CDH1: variants seen among roughly 807,000 people sequenced by gnomAD.
CDH1 encodes the protein cadherin 1.
In CDH1, 35 loss-of-function variants were observed where a neutral mutation model predicts 84.5. The observed-to-expected ratio is 0.41, with a 90% CI of 0.32 to 0.55. CDH1 has a LOEUF of 0.55. CDH1 is among the 20% of genes least tolerant of loss of function. CDH1 has a pLI of 0.19. For missense variants in CDH1, 994 were observed against 1,126.6 expected (o/e 0.88, Z 1.68); for synonymous variants, 417 against 439.0 (o/e 0.95, Z 0.63).
At chr16:68,807,514 TA>T (rs1432625897) in intron 3 of CDH1, among the ~76,000 whole-genome samples, 1 of 151,524 alleles carries the variant, frequency 6.6e-6, no homozygotes, top group African/African-American at 2.4e-5. Context: ...TAAAAAAATT[TA>T]AAAAATTTAA....
intron 2 of CDH1, among the ~76,000 whole-genome samples, chr16:68,781,666 G>A (rs1959882160): frequency 6.6e-6 from 1 of 152,058 alleles, no homozygotes; most frequent in African/African-American, 2.4e-5. Context: ...TATTGACAGG[G>A]TCTCACTATG....
intron 14 of CDH1, 130 bp from the exon 15 acceptor site, chr16:68,829,524 A>T: frequency 1.1e-6 from 1 of 941,190 alleles, no homozygotes; most frequent in Non-Finnish European, 1.7e-6. Context: ...ATTTTGCATT[A>T]AACTGGTAAA....
intron 2 of CDH1, among the ~76,000 whole-genome samples, chr16:68,801,262 C>T (rs533413077): frequency 6.6e-6 from 1 of 152,088 alleles, no homozygotes; most frequent in Non-Finnish European, 1.5e-5. Context: ...CAGGCGCCTG[C>T]CACTAAACCT....
Position 68,810,485 on chromosome 16 carries a change from T to C in CDH1, c.832+144T>C, listed in dbSNP as rs1597892723. On this transcript the variant is annotated intron_variant, in intron 6 of 15. Coordinates refer to ENST00000261769, the MANE Select transcript of CDH1 (RefSeq NM_004360.5). ...TTCTTGGCAAGCCATTGTTGTGTTA[T>C]ATGCATGTGTGTAACAGTCTACCTG... 1.8e-5 allele frequency: 13 copies of C among 725,866 alleles called. No homozygotes were observed. The East Asian group carries it at 3.1e-4, about 17-fold the overall frequency. The allele number at this position is 725,866 out of a possible 1,614,324, so 45.0% of individuals were successfully genotyped here.
chr16:68,786,784 G>C (rs1302525394), intron 2 of CDH1, among the ~76,000 whole-genome samples: 1 of 152,160 alleles, frequency 6.6e-6, no homozygotes, highest in Middle Eastern at 3.2e-3. Flanking sequence ...TATTGGACAA[G>C]TGAGCACTTG....
In CDH1 at chr16:68,748,229, C is replaced by T. The variant is rs146540523; in HGVS notation, c.163+9818C>T. ...CCGGGTTCAAGTGATTATCCTGCTT[C>T]AGCCTCCAGAGTAGCTAGGATTACA... is the stretch of plus-strand genomic sequence containing the variant. On this transcript the variant is annotated intron_variant, in intron 2 of 15. Coordinates refer to ENST00000261769, the MANE Select transcript of CDH1 (RefSeq NM_004360.5). 6.2e-3 allele frequency among the ~76,000 whole-genome samples: 937 copies of T among 150,866 alleles called. 8 individuals carry two copies. The highest frequency in any genetic ancestry group is 0.021 in the African/African-American group (862 of 40,970).
At chr16:68,821,348 G>A (rs769587465) in intron 11 of CDH1, among the ~76,000 whole-genome samples, 12 of 151,766 alleles carry the variant, frequency 7.9e-5, no homozygotes, top group Admixed American at 2.6e-4. Context: ...GGTGGCATGC[G>A]CCTGTAGTCT....
intron 2 of CDH1, among the ~76,000 whole-genome samples, chr16:68,762,734 C>T (rs1959256008): frequency 6.6e-6 from 1 of 151,914 alleles, no homozygotes; most frequent in African/African-American, 2.4e-5. Flanking sequence ...CATGGCGAAA[C>T]CCAGTCTGTA....
At chr16:68,831,972 T>C in intron 15 of CDH1, among the ~76,000 whole-genome samples, 1 of 152,114 alleles carries the variant, frequency 6.6e-6, no homozygotes, top group Non-Finnish European at 1.5e-5. Context: ...ATCATGTCTT[T>C]TGAGGAAGCA....
intron 2 of CDH1, among the ~76,000 whole-genome samples, chr16:68,775,915 C>T (rs1449212466): frequency 6.6e-6 from 1 of 152,144 alleles, no homozygotes; most frequent in Non-Finnish European, 1.5e-5. Flanking sequence ...CCCCATCCAC[C>T]CAAAAGGAGG....
chr16:68,827,281 TA>T (rs35181094), intron 13 of CDH1, among the ~76,000 whole-genome samples: 8,596 of 151,488 alleles, frequency 0.057, 306 homozygotes, highest in African/African-American at 0.096. Flanking sequence ...AAAATAATAA[TA>T]AATAAATAAA....
intron 2 of CDH1, among the ~76,000 whole-genome samples, chr16:68,792,570 C>A (rs1019262265): frequency 6.6e-6 from 1 of 152,182 alleles, no homozygotes; most frequent in African/African-American, 2.4e-5. Context: ...TGACCCTTCC[C>A]CCCGGGCTGG....
chr16:68,822,931 C>A lies in CDH1; in HGVS notation c.1937-468C>A, dbSNP rs1006614023. 4.2e-4 allele frequency: 94 copies of A among 221,756 alleles called. 1 individual carries two copies. Among genetic ancestry groups the A allele is most frequent in the African/African-American group, 2.1e-3 (91 of 42,400 alleles). The allele number at this position is 221,756 out of a possible 1,614,324, so 13.7% of individuals were successfully genotyped here. A position where few individuals can be genotyped will look rare whatever the true frequency, so the allele number is the denominator to read the frequency against. On this transcript the variant is annotated intron_variant, in intron 12 of 15. Coordinates refer to ENST00000261769, the MANE Select transcript of CDH1 (RefSeq NM_004360.5). ...ACTGGACCCTTTTGGATCTTCATGC[C>A]TTGGGTTCCACCTGCACAGACCCCC...
intron 5 of CDH1, 118 bp downstream of exon 5, chr16:68,808,966 A>T (rs1202680083): frequency 1.1e-6 from 1 of 882,746 alleles, no homozygotes; most frequent in African/African-American, 1.7e-5. Flanking sequence ...TTAACTTGAC[A>T]CCTCTTGACC....
intron 2 of CDH1, among the ~76,000 whole-genome samples, chr16:68,781,274 C>A (rs950476865): frequency 1.3e-5 from 2 of 152,122 alleles, no homozygotes; most frequent in Admixed American, 6.6e-5. Context: ...CAGTTGCCTC[C>A]GCTTCATTCT....
chr16:68,766,915 G>C (rs1959407245), intron 2 of CDH1, among the ~76,000 whole-genome samples: 1 of 151,708 alleles, frequency 6.6e-6, no homozygotes, highest in African/African-American at 2.4e-5. Context: ...TTTTAGTAGA[G>C]AAGGTTTCAC....
At chr16:68,812,338 C>A (rs1960863494) in intron 8 of CDH1, 75 bp downstream of exon 8, 2 of 1,500,204 alleles carry the variant, frequency 1.3e-6, no homozygotes, top group Non-Finnish European at 9.3e-7. Context: ...CACCACTGCT[C>A]ATGGGCGAAG....
rs147738022 is a variant in CDH1, at chr16:68,770,224, C to T, written c.164-31446C>T. ...GTGTGTGCTCTGGGGAGCTCTGCCTCCTGTCCTAAAACTGTCACCTTCCTG... is the reference window on the plus strand; with the variant it reads ...GTGTGTGCTCTGGGGAGCTCTGCCTTCTGTCCTAAAACTGTCACCTTCCTG... On this transcript the variant is annotated intron_variant, in intron 2 of 15. Coordinates refer to ENST00000261769, the MANE Select transcript of CDH1 (RefSeq NM_004360.5). Among the ~76,000 whole-genome samples the T allele has an allele frequency of 3.5e-3, 534 of 152,246 alleles. 5 individuals carry two copies. The highest frequency in any genetic ancestry group is 0.012 in the African/African-American group (507 of 41,550).
At chr16:68,771,581 G>A (rs1420018281) in intron 2 of CDH1, among the ~76,000 whole-genome samples, 3 of 151,392 alleles carry the variant, frequency 2.0e-5, no homozygotes, top group Middle Eastern at 3.4e-3. Flanking sequence ...GTGAAACCCC[G>A]TCTCTATTAA....
Sources: gnomAD v4.1 joint callset for allele counts (sites outside exome capture counted in the v4.1 genomes callset) on GRCh38, gnomAD v4.1.1 for gene constraint, MANE v1.5 for transcripts, NCBI Gene and HGNC (gene_info 2026-07-23, HGNC 2026-07-21) for gene names.